Variants in RBPMS observed in about 807,000 individuals in gnomAD.
The protein encoded by RBPMS is RNA-binding protein with multiple splicing.
Under a neutral mutation model 26.8 loss-of-function variants are expected in RBPMS, and 7 were observed. The observed-to-expected ratio is 0.26, with a 90% CI of 0.15 to 0.49. RBPMS has a LOEUF of 0.49. Among genes scored for constraint, RBPMS ranks in the 20% least tolerant of loss-of-function variants. The pLI is 0.98. For synonymous variants in RBPMS, 96 were observed against 93.3 expected (o/e 1.03, Z -0.17); for missense variants, 186 against 250.0 (o/e 0.74, Z 1.73).
chr8:30,481,412 G>A (rs1368156718), intron 4 of RBPMS, among the ~76,000 whole-genome samples: 1 of 152,160 alleles, frequency 6.6e-6, no homozygotes, highest in Non-Finnish European at 1.5e-5. Flanking sequence ...ACAAATAGCA[G>A]GTAATGAACC....
chr8:30,479,344 C>T lies in RBPMS; in HGVS notation c.213C>T (p.Arg71=). 6.2e-7 allele frequency: 1 copy of T among 1,605,262 alleles called. No individual in the cohort carries two copies. ...QPVGFVSFDS[R]SEAEAAKNAL... is the part of the protein sequence containing the mutation. ...TAGGTTTTGTCAGTTTTGACAGTCG[C>T]TCAGAAGCAGAGGCTGCAAAGAATG... The change falls in exon 4 of 9, where the codon CGC becomes CGT. Residue 71 remains arginine (R), a synonymous_variant. Coordinates refer to ENST00000397323, the MANE Select transcript of RBPMS (RefSeq NM_001008710.3).
In RBPMS at chr8:30,459,046, C is replaced by T. The variant is rs373672596; in HGVS notation, c.67-15733C>T. Reference sequence around the variant, plus strand: ...TGGCACGATCTCCGCTCACTGCAACCGCCACCTCCTGGGTTCAAGCGATTC... The same window carrying T: ...TGGCACGATCTCCGCTCACTGCAACTGCCACCTCCTGGGTTCAAGCGATTC... On this transcript the variant is annotated intron_variant, in intron 1 of 8. Transcript: ENST00000397323. Among the ~76,000 whole-genome samples, 379 of 151,796 alleles carry T rather than the reference C, an allele frequency of 2.5e-3. 19 individuals carry two copies. The South Asian group carries it at 0.062, about 25-fold the overall frequency.
intron 1 of RBPMS, among the ~76,000 whole-genome samples, chr8:30,473,177 G>A (rs1817321622): frequency 6.6e-6 from 1 of 152,118 alleles, no homozygotes; most frequent in Non-Finnish European, 1.5e-5. Context: ...TTGACCCTAA[G>A]CTTCTTGTTT....
intron 5 of RBPMS, among the ~76,000 whole-genome samples, chr8:30,521,901 G>C (rs1291187673): frequency 6.6e-6 from 1 of 152,102 alleles, no homozygotes; most frequent in Non-Finnish European, 1.5e-5. Flanking sequence ...AAATAAAGAA[G>C]ATAGAATGGG....
intron 4 of RBPMS, 22 bp downstream of exon 4, chr8:30,479,399 G>A: frequency 6.4e-7 from 1 of 1,557,076 alleles, no homozygotes. Flanking sequence ...TGATGTAATT[G>A]TAGGGGGTTT....
chr8:30,388,320 T>C (rs1473457741), intron 1 of RBPMS, among the ~76,000 whole-genome samples: 4 of 151,816 alleles, frequency 2.6e-5, no homozygotes, highest in African/African-American at 4.8e-5. Context: ...AGATCCATAA[T>C]TATTTGTCTT....
chr8:30,430,222 G>T (rs972063687), intron 1 of RBPMS, among the ~76,000 whole-genome samples: 1 of 151,356 alleles, frequency 6.6e-6, no homozygotes, highest in African/African-American at 2.4e-5. Flanking sequence ...TGTCTTAAAT[G>T]GATGGATGGA....
At chr8:30,390,564 C>T (rs1585322727) in intron 1 of RBPMS, among the ~76,000 whole-genome samples, 1 of 152,276 alleles carries the variant, frequency 6.6e-6, no homozygotes, top group East Asian at 1.9e-4. Context: ...AAGCCTAGGT[C>T]TTCCTCTTCT....
intron 1 of RBPMS, among the ~76,000 whole-genome samples, chr8:30,426,857 C>T (rs1465677312): frequency 6.6e-6 from 1 of 150,506 alleles, no homozygotes; most frequent in Non-Finnish European, 1.5e-5. Context: ...CACACACAGA[C>T]ATACACACAA....
chr8:30,569,925 A>C (rs1421249161), intron 8 of RBPMS, among the ~76,000 whole-genome samples: 1 of 152,204 alleles, frequency 6.6e-6, no homozygotes, highest in Non-Finnish European at 1.5e-5. Context: ...GTCACAGAGA[A>C]GGTCCAGGGT....
At chr8:30,500,661 T>G (rs1820466757) in intron 4 of RBPMS, among the ~76,000 whole-genome samples, 1 of 152,184 alleles carries the variant, frequency 6.6e-6, no homozygotes, top group African/African-American at 2.4e-5. Context: ...GTGACTCAGC[T>G]TTGGTCAACA....
chr8:30,434,377 G>A (rs1479565653), intron 1 of RBPMS, among the ~76,000 whole-genome samples: 1 of 152,016 alleles, frequency 6.6e-6, no homozygotes, highest in Non-Finnish European at 1.5e-5. Context: ...GGTCTTTTGT[G>A]AACAAGACCA....
At chr8:30,425,491 C>T (rs1272177214) in intron 1 of RBPMS, among the ~76,000 whole-genome samples, 2 of 152,122 alleles carry the variant, frequency 1.3e-5, no homozygotes, top group South Asian at 2.1e-4. Context: ...ACCTCCGCCT[C>T]CCTGGTTCAA....
chr8:30,549,685 G>A, intron 6 of RBPMS: 1 of 825,532 alleles, frequency 1.2e-6, no homozygotes, highest in Non-Finnish European at 2.1e-6. Flanking sequence ...TGTGAGAGTG[G>A]GCTGGGTCTC....
rs1187043938 is a variant in RBPMS at position 30,453,788 on chromosome 8, A to G, written c.67-20991A>G. ...GGCAATAGGAGCTTTCAAGGGCCAC[A>G]ATCTCATCTCAGTGGGAGTAGGTAC... is the stretch of plus-strand genomic sequence containing the variant. On this transcript the variant is annotated intron_variant, in intron 1 of 8. Transcript: ENST00000397323. 3 of 152,194 alleles carry G rather than the reference A, an allele frequency of 2.0e-5. No homozygotes were observed. The East Asian group carries it at 5.8e-4, about 29-fold the overall frequency. 9.4% of individuals were successfully genotyped at this position (152,194 alleles called of 1,614,324 possible).
intron 5 of RBPMS, among the ~76,000 whole-genome samples, chr8:30,530,338 AT>A (rs1824076905): frequency 6.6e-6 from 1 of 152,210 alleles, no homozygotes; most frequent in Non-Finnish European, 1.5e-5. Flanking sequence ...AGTCTATCAC[AT>A]TAGTTGTGGG....
chr8:30,561,010 CGT>C (rs1827428909), intron 7 of RBPMS, among the ~76,000 whole-genome samples: 3 of 152,190 alleles, frequency 2.0e-5, no homozygotes, highest in Admixed American at 6.5e-5. Flanking sequence ...AATTACATGT[CGT>C]GTGTGTGCGC....
chr8:30,432,247 C>T (rs1342568665), intron 1 of RBPMS, among the ~76,000 whole-genome samples: 1 of 152,242 alleles, frequency 6.6e-6, no homozygotes, highest in Non-Finnish European at 1.5e-5. Flanking sequence ...TAAACTGACT[C>T]TCCCGGCAGA....
intron 1 of RBPMS, among the ~76,000 whole-genome samples, chr8:30,424,241 A>G (rs1170578529): frequency 2.6e-5 from 4 of 152,346 alleles, no homozygotes; most frequent in African/African-American, 4.8e-5. Context: ...TAGCTGTGCT[A>G]TCTTGGGCAA....
Sources: gnomAD v4.1 joint callset for allele counts (sites outside exome capture counted in the v4.1 genomes callset) on GRCh38, gnomAD v4.1.1 for gene constraint, MANE v1.5 for transcripts, NCBI Gene and HGNC (gene_info 2026-07-23, HGNC 2026-07-21) for gene names.